The following RARB variants were observed in gnomAD, a reference collection of about 807,000 sequenced individuals.
The protein encoded by RARB is HBV-activated protein.
RARB carries 17 observed loss-of-function variants against 51.9 expected under a neutral mutation model. The ratio of observed to expected loss-of-function variants is 0.33; its 90% CI spans 0.22 to 0.49. The LOEUF (loss-of-function observed/expected upper bound fraction) is 0.49, where lower values mean the gene tolerates loss of function less well. RARB is among the 20% of genes least tolerant of loss of function. RARB has a pLI of 0.99. For synonymous variants in RARB, 215 were observed against 195.4 expected (o/e 1.10, Z -0.84); for missense variants, 369 against 550.8 (o/e 0.67, Z 3.30).
chr3:25,155,029 T>C lies in RARB; in HGVS notation c.-279-19090T>C, dbSNP rs141342106. 2.1e-3 allele frequency among the ~76,000 whole-genome samples: 319 copies of C among 152,348 alleles called. 2 individuals carry two copies. Among genetic ancestry groups the C allele is most frequent in the East Asian group, 0.02 (105 of 5,186 alleles). ...CAATTCATTCAATCACTTGTTAACA[T>C]TTTATCATTCTCACATCCAATTCTG... On this transcript the variant is annotated intron_variant, in intron 4 of 11. Coordinates refer to the RARB transcript ENST00000383772.
chr3:25,405,533 T>C (rs976573584), intron 5 of RARB, among the ~76,000 whole-genome samples: 5 of 152,198 alleles, frequency 3.3e-5, no homozygotes, highest in Admixed American at 3.3e-4. Flanking sequence ...GAGAATGTCA[T>C]GTACAGAGAT....
intron 2 of RARB, among the ~76,000 whole-genome samples, chr3:24,941,308 C>CA (rs1224892661): frequency 2.0e-5 from 3 of 151,332 alleles, no homozygotes; most frequent in African/African-American, 7.3e-5. Flanking sequence ...AGGATATTTT[C>CA]AAAAAACGTA....
intron 3 of RARB, among the ~76,000 whole-genome samples, chr3:25,505,915 A>G (rs1198482694): frequency 6.6e-6 from 1 of 152,224 alleles, no homozygotes; most frequent in Non-Finnish European, 1.5e-5. Context: ...TGTCCAGACA[A>G]GCTTACGGTA....
chr3:24,942,156 G>T (rs1411280523), intron 2 of RARB, among the ~76,000 whole-genome samples: 1 of 152,202 alleles, frequency 6.6e-6, no homozygotes, highest in Non-Finnish European at 1.5e-5. Context: ...GTAAAACTGG[G>T]ACTGAAACCA....
At chr3:24,831,706 A>G (rs1490441886) in intron 1 of RARB, among the ~76,000 whole-genome samples, 1 of 152,060 alleles carries the variant, frequency 6.6e-6, no homozygotes, top group Non-Finnish European at 1.5e-5. Context: ...CTGTGGGGTT[A>G]GAAACTGTTG....
intron 4 of RARB, among the ~76,000 whole-genome samples, chr3:25,160,535 A>G (rs1004447023): frequency 3.9e-5 from 6 of 152,194 alleles, no homozygotes; most frequent in African/African-American, 1.4e-4. Flanking sequence ...GTGAAAAACA[A>G]CAACAACAAA....
At chr3:24,899,585 C>T (rs1703554375) in intron 2 of RARB, among the ~76,000 whole-genome samples, 1 of 152,094 alleles carries the variant, frequency 6.6e-6, no homozygotes, top group African/African-American at 2.4e-5. Flanking sequence ...GAGTTTCTGT[C>T]GGCCAACAGC....
At chr3:25,306,092 A>G (rs1322123611) in intron 5 of RARB, among the ~76,000 whole-genome samples, 1 of 152,178 alleles carries the variant, frequency 6.6e-6, no homozygotes, top group Non-Finnish European at 1.5e-5. Context: ...GTTATCTGAA[A>G]CAATTGAGAA....
At chr3:25,313,035 G>T (rs776283315) in intron 5 of RARB, among the ~76,000 whole-genome samples, 1 of 152,238 alleles carries the variant, frequency 6.6e-6, no homozygotes, top group Non-Finnish European at 1.5e-5. Flanking sequence ...CTAGCCATTT[G>T]AATGTGGGCA....
intron 5 of RARB, among the ~76,000 whole-genome samples, chr3:25,302,435 A>G (rs1044408151): frequency 7.2e-5 from 11 of 152,250 alleles, no homozygotes; most frequent in Non-Finnish European, 1.3e-4. Context: ...CCATAAAAAA[A>G]ATGAAGTGCC....
chr3:24,945,807 T>A lies in RARB; in HGVS notation c.-380+87055T>A, dbSNP rs531181195. On this transcript the variant is annotated intron_variant, in intron 2 of 11. Transcript: ENST00000383772. Reference sequence around the variant, plus strand: ...CCTGAGGCATTACTTCTCTCTAAAGTCAGTGAGGCATCCACAGGGCTTAAG... The same window carrying A: ...CCTGAGGCATTACTTCTCTCTAAAGACAGTGAGGCATCCACAGGGCTTAAG... Among the ~76,000 whole-genome samples, 4 of 152,272 alleles carry A rather than the reference T, an allele frequency of 2.6e-5. No individual in the cohort carries two copies. The East Asian group carries it at 7.7e-4, about 29-fold the overall frequency.
At chr3:25,540,804 A>G (rs1310177801) in intron 3 of RARB, among the ~76,000 whole-genome samples, 1 of 152,236 alleles carries the variant, frequency 6.6e-6, no homozygotes, top group Non-Finnish European at 1.5e-5. Context: ...AAGTAATAAT[A>G]GAAAAGATTA....
At chr3:24,996,329 G>T (rs1421160616) in intron 2 of RARB, among the ~76,000 whole-genome samples, 3 of 151,794 alleles carry the variant, frequency 2.0e-5, no homozygotes, top group African/African-American at 7.2e-5. Context: ...TTCTGATTTT[G>T]TTTGGTTCTT....
chr3:24,956,924 A>G (rs1353771074), intron 2 of RARB, among the ~76,000 whole-genome samples: 1 of 152,258 alleles, frequency 6.6e-6, no homozygotes, highest in Admixed American at 6.5e-5. Context: ...CAGTTGCAAC[A>G]GCCAGTACAG....
At chr3:24,846,062 C>T (rs899592292) in intron 1 of RARB, among the ~76,000 whole-genome samples, 3 of 152,178 alleles carry the variant, frequency 2.0e-5, no homozygotes, top group African/African-American at 4.8e-5. Context: ...AACAGGGTTA[C>T]TCCTGTATGC....
chr3:24,939,366 A>G (rs556360365), intron 2 of RARB, among the ~76,000 whole-genome samples: 3 of 152,238 alleles, frequency 2.0e-5, no homozygotes, highest in African/African-American at 7.2e-5. Flanking sequence ...TGTTAATTCT[A>G]TGTTTAACTT....
intron 1 of RARB, among the ~76,000 whole-genome samples, chr3:24,832,528 T>C (rs1702295130): frequency 6.6e-6 from 1 of 150,724 alleles, no homozygotes; most frequent in African/African-American, 2.5e-5. Context: ...CAACATGCAT[T>C]TTTTAAGTAC....
At chr3:25,035,060 G>A (rs925590236) in intron 2 of RARB, among the ~76,000 whole-genome samples, 9 of 152,156 alleles carry the variant, frequency 5.9e-5, no homozygotes, top group African/African-American at 1.2e-4. Context: ...GGTTAGGATC[G>A]TAATGAAAAA....
chr3:24,890,380 A>G (rs571466632), intron 2 of RARB, among the ~76,000 whole-genome samples: 1 of 152,314 alleles, frequency 6.6e-6, no homozygotes, highest in South Asian at 2.1e-4. Context: ...GAAATTGAAG[A>G]ATCACATTCA....
Sources: allele counts gnomAD v4.1 joint callset (sites outside exome capture counted in the v4.1 genomes callset), GRCh38; gene constraint gnomAD v4.1.1; transcripts MANE v1.5; gene names NCBI Gene and HGNC (gene_info 2026-07-23, HGNC 2026-07-21).